The following C9 variants were observed in gnomAD, a reference collection of about 807,000 sequenced individuals.
C9 encodes the protein complement C9, also known as complement component C9.
C9 carries 63 observed loss-of-function variants against 65.4 expected under a neutral mutation model. That is an observed-to-expected ratio of 0.96 (90% CI 0.79 to 1.19). The LOEUF (loss-of-function observed/expected upper bound fraction) is 1.19. Among genes scored for constraint, C9 ranks in the 50% most tolerant of loss-of-function variants. The pLI, the probability that C9 is intolerant of heterozygous loss-of-function variation, is 0.00. For synonymous variants in C9, 229 were observed against 227.9 expected (o/e 1.00, Z -0.04); for missense variants, 744 against 670.1 (o/e 1.11, Z -1.22).
rs1753479976 is a variant in C9 at position 39,311,299 on chromosome 5, T to C, written c.949A>G (p.Thr317Ala). 1 of 1,613,626 alleles carries C rather than the reference T, an allele frequency of 6.2e-7. No individual in the cohort carries two copies. Residue 317 changes from threonine to alanine, a missense_variant, in exon 7 of 11, where the codon ACA becomes GCA. Transcript: ENST00000263408. The stretch of plus-strand genomic sequence containing the variant: ...GCTTTTATATCATCCACAAAAGTTG[T>C]TGTGAGCACAACATCGCGATTTCTC... ...VMRNRDVVLT[T>A]TFVDDIKALP...
intron 9 of C9, among the ~76,000 whole-genome samples, chr5:39,297,317 G>A (rs1265052113): frequency 6.6e-6 from 1 of 151,354 alleles, no homozygotes; most frequent in Non-Finnish European, 1.5e-5. Context: ...TGTCGGAAAT[G>A]AGCAAAAAGG....
intron 7 of C9, among the ~76,000 whole-genome samples, chr5:39,310,593 T>C (rs1402411970): frequency 6.6e-6 from 1 of 152,070 alleles, no homozygotes; most frequent in Non-Finnish European, 1.5e-5. Context: ...ATGAGCCCAA[T>C]TCAACCACCA....
intron 9 of C9, among the ~76,000 whole-genome samples, chr5:39,303,266 T>C (rs1216202516): frequency 1.3e-5 from 2 of 152,042 alleles, no homozygotes; most frequent in South Asian, 2.1e-4. Context: ...TATACTTTCA[T>C]GGAAGCTGAA....
intron 9 of C9, among the ~76,000 whole-genome samples, chr5:39,291,119 A>G (rs1449273814): frequency 6.6e-6 from 1 of 151,932 alleles, no homozygotes; most frequent in African/African-American, 2.4e-5. Flanking sequence ...GAAAATAGAA[A>G]CAGCTATGGT....
At chr5:39,287,068 A>T (rs1406520959) in intron 10 of C9, among the ~76,000 whole-genome samples, 1 of 151,966 alleles carries the variant, frequency 6.6e-6, no homozygotes. Flanking sequence ...TAACACTTGG[A>T]CTAAGATCTC....
intron 1 of C9, among the ~76,000 whole-genome samples, chr5:39,358,314 T>C (rs1754445481): frequency 6.6e-6 from 1 of 152,062 alleles, no homozygotes. Flanking sequence ...CTGGATAAAG[T>C]TTTCCAAGCT....
intron 6 of C9, among the ~76,000 whole-genome samples, chr5:39,315,561 GCTCA>G (rs1175837366): frequency 6.6e-6 from 1 of 152,096 alleles, no homozygotes; most frequent in Admixed American, 6.5e-5. Flanking sequence ...CGCATTTTCT[GCTCA>G]CTACCACCAA....
intron 4 of C9, among the ~76,000 whole-genome samples, chr5:39,340,755 C>G (rs1754061493): frequency 6.6e-6 from 1 of 152,138 alleles, no homozygotes; most frequent in Non-Finnish European, 1.5e-5. Context: ...ACAGCCTTCC[C>G]AGCAATGCAA....
intron 1 of C9, among the ~76,000 whole-genome samples, chr5:39,359,293 G>A (rs1402058474): frequency 1.3e-5 from 2 of 151,382 alleles, no homozygotes; most frequent in African/African-American, 4.9e-5. Flanking sequence ...TTATGTTTGG[G>A]ATGCCTACTA....
chr5:39,300,280 C>CA (rs1375658764), intron 9 of C9, among the ~76,000 whole-genome samples: 1 of 152,028 alleles, frequency 6.6e-6, no homozygotes, highest in Non-Finnish European at 1.5e-5. Context: ...TGCATGGTGG[C>CA]AAGCACCTGT....
At chr5:39,315,568 A>G (rs1431756890) in intron 6 of C9, among the ~76,000 whole-genome samples, 1 of 152,144 alleles carries the variant, frequency 6.6e-6, no homozygotes, top group Admixed American at 6.5e-5. Context: ...TCTGCTCACT[A>G]CCACCAAACA....
At chr5:39,360,733 C>T (rs1232987159) in intron 1 of C9, among the ~76,000 whole-genome samples, 3 of 151,894 alleles carry the variant, frequency 2.0e-5, no homozygotes, top group African/African-American at 4.8e-5. Context: ...AAATTAAAAC[C>T]GTGCCAAAAT....
chr5:39,308,486 G>A, intron 7 of C9, 128 bp from the exon 8 acceptor site: 1 of 726,822 alleles, frequency 1.4e-6, no homozygotes, highest in South Asian at 1.5e-5. Flanking sequence ...ATTCAAATGT[G>A]CCATCATGTC....
At chr5:39,331,325 A>G (rs943628674) in intron 5 of C9, among the ~76,000 whole-genome samples, 1 of 152,314 alleles carries the variant, frequency 6.6e-6, no homozygotes, top group African/African-American at 2.4e-5. Flanking sequence ...ATGAGTTTTC[A>G]TCAGGAGGCT....
intron 5 of C9, among the ~76,000 whole-genome samples, chr5:39,330,315 TG>T (rs1753817793): frequency 6.6e-6 from 1 of 152,310 alleles, no homozygotes; most frequent in African/African-American, 2.4e-5. Flanking sequence ...CTGAAACACA[TG>T]TGTTTCCAGG....
intron 1 of C9, among the ~76,000 whole-genome samples, chr5:39,350,868 C>T (rs1414370634): frequency 6.6e-6 from 1 of 152,200 alleles, no homozygotes; most frequent in Non-Finnish European, 1.5e-5. Context: ...GCCCTTTTCT[C>T]ACAGTTCTAC....
At chr5:39,341,055 G>C in intron 4 of C9, 91 bp downstream of exon 4, 1 of 1,404,412 alleles carries the variant, frequency 7.1e-7, no homozygotes. Flanking sequence ...TATGTCCCTC[G>C]CACAAATGCT....
intron 10 of C9, among the ~76,000 whole-genome samples, chr5:39,285,765 A>G (rs1358984183): frequency 1.3e-5 from 2 of 151,034 alleles, no homozygotes; most frequent in Non-Finnish European, 3.0e-5. Context: ...GTTGAGAGCC[A>G]TTGGTCTAGG....
chr5:39,295,627 T>G (rs557300483), intron 9 of C9, among the ~76,000 whole-genome samples: 1 of 151,666 alleles, frequency 6.6e-6, no homozygotes, highest in Non-Finnish European at 1.5e-5. Flanking sequence ...GTGCAATCTC[T>G]ATCAAAATGA....
Sources: allele counts gnomAD v4.1 joint callset (sites outside exome capture counted in the v4.1 genomes callset), GRCh38; gene constraint gnomAD v4.1.1; transcripts MANE v1.5; gene names NCBI Gene and HGNC (gene_info 2026-07-23, HGNC 2026-07-21).